Variants in KSR2 observed in about 807,000 individuals in gnomAD.
KSR2 encodes kinase suppressor of ras 2.
A neutral mutation model predicts 107.8 loss-of-function variants in KSR2; 25 were observed. That is an observed-to-expected ratio of 0.23 (90% CI 0.17 to 0.32). The LOEUF (loss-of-function observed/expected upper bound fraction) is 0.32. Among genes scored for constraint, KSR2 ranks in the 10% least tolerant of loss-of-function variants. The pLI, the probability that KSR2 is intolerant of heterozygous loss-of-function variation, is 1.00. For missense variants in KSR2, 887 were observed against 1,268.9 expected, an observed-to-expected ratio of 0.70 and a Z score of 4.57; for synonymous variants, 480 against 507.0, an observed-to-expected ratio of 0.95 and a Z score of 0.71.
intron 3 of KSR2, among the ~76,000 whole-genome samples, chr12:117,849,611 G>A (rs1036688502): frequency 5.9e-5 from 9 of 152,116 alleles, no homozygotes; most frequent in African/African-American, 1.9e-4. Flanking sequence ...CTTGGGCACT[G>A]GAAAATAAAG....
intron 10 of KSR2, among the ~76,000 whole-genome samples, chr12:117,533,513 C>T (rs1875811487): frequency 1.3e-5 from 2 of 152,210 alleles, no homozygotes; most frequent in East Asian, 3.8e-4. Context: ...CAAGAAGCAG[C>T]TTATTCAAGG....
intron 5 of KSR2, among the ~76,000 whole-genome samples, chr12:117,647,785 T>C (rs546333707): frequency 2.2e-4 from 33 of 152,208 alleles, no homozygotes; most frequent in African/African-American, 6.5e-4. Flanking sequence ...TGCAGTGGCG[T>C]GATCATAGCT....
intron 4 of KSR2, chr12:117,674,211 GT>G: frequency 2.2e-6 from 1 of 457,168 alleles, no homozygotes; most frequent in South Asian, 1.6e-5. Flanking sequence ...ATCTTACATT[GT>G]CTTTGAATGA....
intron 2 of KSR2, among the ~76,000 whole-genome samples, chr12:117,859,748 C>T (rs566543446): frequency 8.5e-5 from 13 of 152,312 alleles, no homozygotes; most frequent in African/African-American, 2.6e-4. Flanking sequence ...TGAGCCACTG[C>T]GCCCAGCTGA....
Position 117,454,251 on chromosome 12 carries a change from G to A in KSR2, c.*12948C>T, listed in dbSNP as rs1393442450. ...GTTAGTGATATATTAAGTGCTCGTG[G>A]GTTGCACAAAGCTAAGAAAATTCAA... On this transcript the variant is annotated 3_prime_UTR_variant, in exon 20 of 20. Transcript: ENST00000339824. 5 of 152,218 alleles carry A rather than the reference G, an allele frequency of 3.3e-5. No homozygotes were observed. Among genetic ancestry groups the A allele is most frequent in the African/African-American group, 1.2e-4 (5 of 41,448 alleles). 9.4% of individuals were successfully genotyped at this position (152,218 alleles called of 1,614,324 possible).
chr12:117,526,996 C>T (rs552407088), intron 13 of KSR2, 75 bp downstream of exon 13: 1 of 1,289,250 alleles, frequency 7.8e-7, no homozygotes, highest in East Asian at 2.3e-5. Context: ...TCTGCGTCAT[C>T]CAAAACGTCA....
At position 117,684,361 on chromosome 12, in the gene KSR2, C is replaced by A. The variant is rs978766197; in HGVS notation, c.987-16703G>T. Among the ~76,000 whole-genome samples the A allele has an allele frequency of 4.6e-5, 7 of 152,188 alleles. No individual in the cohort carries two copies. The East Asian group carries it at 1.3e-3, about 29-fold the overall frequency. On this transcript the variant is annotated intron_variant, in intron 4 of 19. Coordinates refer to ENST00000339824, the MANE Select transcript of KSR2 (RefSeq NM_173598.6). ...TCCCAGCACCCAGCACAAAGCCTGG[C>A]ATATAGTAACAGCTCCATAAAAACA... is the stretch of plus-strand genomic sequence containing the variant.
At chr12:117,698,761 A>C (rs928806712) in intron 4 of KSR2, among the ~76,000 whole-genome samples, 2 of 151,622 alleles carry the variant, frequency 1.3e-5, no homozygotes, top group African/African-American at 4.9e-5. Context: ...TGTTCCATCC[A>C]CTCGTCAGCT....
chr12:117,958,392 T>G (rs894021622), intron 1 of KSR2, among the ~76,000 whole-genome samples: 25 of 152,308 alleles, frequency 1.6e-4, no homozygotes, highest in African/African-American at 5.8e-4. Flanking sequence ...TCCTAAACTT[T>G]TGCATATCCT....
intron 8 of KSR2, among the ~76,000 whole-genome samples, chr12:117,555,891 C>T (rs1188775539): frequency 2.0e-5 from 3 of 152,218 alleles, no homozygotes; most frequent in Admixed American, 2.0e-4. Flanking sequence ...ACAGGGAACA[C>T]AGCAAGGGGC....
At chr12:117,732,293 TC>T (rs1206692586) in intron 4 of KSR2, among the ~76,000 whole-genome samples, 1 of 150,056 alleles carries the variant, frequency 6.7e-6, no homozygotes, top group African/African-American at 2.4e-5. Context: ...TGAATTTTTT[TC>T]TTTTTTTTTT....
At chr12:117,859,221 C>T (rs1468468863) in intron 2 of KSR2, among the ~76,000 whole-genome samples, 1 of 143,134 alleles carries the variant, frequency 7.0e-6, no homozygotes, top group East Asian at 2.1e-4. Context: ...TCTCAGTTCA[C>T]TGCAACATCT....
At chr12:117,489,066 C>T (rs907452846) in intron 14 of KSR2, among the ~76,000 whole-genome samples, 3 of 152,176 alleles carry the variant, frequency 2.0e-5, no homozygotes, top group Non-Finnish European at 4.4e-5. Context: ...GGAAGCCTGA[C>T]ACCCAAGACT....
chr12:117,924,572 C>CAAAAAAA (rs58789868), intron 1 of KSR2, among the ~76,000 whole-genome samples: 40 of 39,486 alleles, frequency 1.0e-3, no homozygotes, highest in South Asian at 3.6e-3. Flanking sequence ...AGCTCCATCT[C>CAAAAAAA]AAAAAAAAAA....
intron 7 of KSR2, among the ~76,000 whole-genome samples, chr12:117,572,470 T>G (rs1272913802): frequency 6.6e-6 from 1 of 152,126 alleles, no homozygotes; most frequent in Non-Finnish European, 1.5e-5. Flanking sequence ...CCTTGAGAAC[T>G]GACAGTGACT....
At chr12:117,882,949 C>T (rs889415280) in intron 1 of KSR2, among the ~76,000 whole-genome samples, 1 of 151,974 alleles carries the variant, frequency 6.6e-6, no homozygotes, top group Non-Finnish European at 1.5e-5. Context: ...ATGCAACCAT[C>T]CATTCAATCC....
At chr12:117,903,754 C>T (rs550198956) in intron 1 of KSR2, among the ~76,000 whole-genome samples, 2 of 152,180 alleles carry the variant, frequency 1.3e-5, no homozygotes, top group East Asian at 3.9e-4. Context: ...GACTGTAATC[C>T]CAGAACTTTG....
At chr12:117,937,926 G>T (rs1476122086) in intron 1 of KSR2, among the ~76,000 whole-genome samples, 23 of 142,530 alleles carry the variant, frequency 1.6e-4, no homozygotes. Flanking sequence ...CCAAGACAGT[G>T]CCACTGCACT....
At chr12:117,905,611 G>A (rs10774967) in intron 1 of KSR2, among the ~76,000 whole-genome samples, 75,242 of 151,966 alleles carry the variant, frequency 0.5, 20,915 homozygotes, top group East Asian at 0.89. Flanking sequence ...CTACGAAAAA[G>A]GATGCAGAAC....
Sources: gnomAD v4.1 joint callset for allele counts (sites outside exome capture counted in the v4.1 genomes callset) on GRCh38, gnomAD v4.1.1 for gene constraint, MANE v1.5 for transcripts, NCBI Gene and HGNC (gene_info 2026-07-23, HGNC 2026-07-21) for gene names.